The following IL1RAPL2 variants were observed in gnomAD, a reference collection of about 807,000 sequenced individuals.
The protein encoded by IL1RAPL2 is interleukin 1 receptor accessory protein like 2.
Under a neutral mutation model 44.1 loss-of-function variants are expected in IL1RAPL2, and 3 were observed. The ratio of observed to expected loss-of-function variants is 0.07; its 90% CI spans 0.03 to 0.18. The LOEUF is 0.18. Ranked by LOEUF, IL1RAPL2 falls within the 10% of genes least tolerant of loss-of-function variation. The probability of loss-of-function intolerance (pLI) is 1.00; values close to 1 mark genes in which losing one functional copy is unlikely to be tolerated. For synonymous variants in IL1RAPL2, 181 were observed against 178.8 expected (o/e 1.01, Z -0.10); for missense variants, 391 against 496.4 (o/e 0.79, Z 2.02).
chrX:105,542,472 T>A (rs374793602), intron 6 of IL1RAPL2, among the ~76,000 whole-genome samples: 11 of 110,874 alleles, frequency 9.9e-5, no homozygotes, highest in African/African-American at 3.6e-4. Flanking sequence ...TTGCTTTCAA[T>A]GTTTAGTTTT....
chrX:105,586,951 C>A (rs1473844342), intron 6 of IL1RAPL2, among the ~76,000 whole-genome samples: 1 of 112,149 alleles, frequency 8.9e-6, no homozygotes. Context: ...TTGGGGTTCC[C>A]TTTCCTTGTT....
At chrX:105,242,691 CAAAACA>C (rs1556209717) in intron 4 of IL1RAPL2, among the ~76,000 whole-genome samples, 2 of 110,220 alleles carry the variant, frequency 1.8e-5, no homozygotes, top group African/African-American at 6.6e-5. Flanking sequence ...AAACCAGGGG[CAAAACA>C]AAAACAAAAA....
chrX:105,628,613 G>C (rs11092541), intron 6 of IL1RAPL2, among the ~76,000 whole-genome samples: 37,699 of 111,137 alleles, frequency 0.34, 4,715 homozygotes, highest in Middle Eastern at 0.41. Context: ...AATGAATGTG[G>C]AAATGGAAGC....
chrX:105,290,205 G>C (rs1045129412), intron 5 of IL1RAPL2, among the ~76,000 whole-genome samples: 1 of 111,493 alleles, frequency 9.0e-6, no homozygotes, highest in African/African-American at 3.3e-5. Flanking sequence ...TTGTGTGCCA[G>C]GCATTGTCCT....
At chrX:105,742,131 T>C (rs2038505397) in intron 8 of IL1RAPL2, among the ~76,000 whole-genome samples, 1 of 111,273 alleles carries the variant, frequency 9.0e-6, no homozygotes, top group South Asian at 3.8e-4. Context: ...TTGAGCAGTG[T>C]CTAGCTAGTA....
rs1222205052 is a variant in IL1RAPL2 at position 105,041,262 on chromosome X, G to C, written c.83-154213G>C. On this transcript the variant is annotated intron_variant, in intron 2 of 10. Transcript: ENST00000372582. ...TGAGAGATAGTTTGTTATAATTTCTGTTCTTTTACATTTGCTGAGGAGAGC... is the reference window on the plus strand; with the variant it reads ...TGAGAGATAGTTTGTTATAATTTCTCTTCTTTTACATTTGCTGAGGAGAGC... Among the ~76,000 whole-genome samples, 10 of 111,150 alleles carry C rather than the reference G, an allele frequency of 9.0e-5. No individual in the cohort carries two copies. In the South Asian group the frequency reaches 3.8e-3, roughly 42 times the overall value.
intron 6 of IL1RAPL2, among the ~76,000 whole-genome samples, chrX:105,532,207 G>A (rs2036642689): frequency 9.0e-6 from 1 of 111,396 alleles, no homozygotes; most frequent in Middle Eastern, 4.2e-3. Flanking sequence ...TTTTTCAGCA[G>A]GTAAATGAGT....
chrX:105,527,484 A>G (rs976663186), intron 6 of IL1RAPL2, among the ~76,000 whole-genome samples: 24 of 107,046 alleles, frequency 2.2e-4, no homozygotes, highest in African/African-American at 7.8e-4. Context: ...CCTTTCCGAA[A>G]TAGTTTAGGG....
At chrX:105,210,685 C>T (rs144130704) in intron 3 of IL1RAPL2, among the ~76,000 whole-genome samples, 7,109 of 111,257 alleles carry the variant, frequency 0.064, 389 homozygotes, top group East Asian at 0.31. Context: ...ACATTTTTGA[C>T]GAGTACAAAC....
At position 104,642,208 on chromosome X, in the gene IL1RAPL2, A is replaced by G. The variant is rs775229539; in HGVS notation, c.-19-16687A>G. 4.5e-5 allele frequency among the ~76,000 whole-genome samples: 5 copies of G among 111,672 alleles called. No homozygotes were observed. The East Asian group carries it at 1.4e-3, about 32-fold the overall frequency. On this transcript the variant is annotated intron_variant, in intron 1 of 10. Transcript: ENST00000372582. ...ATGTTTCTTGTCACTTCTCTGTTGA[A>G]TTCCAGTATTCTCTCTTGGATAATG...
At chrX:105,121,003 A>G (rs2032919527) in intron 2 of IL1RAPL2, among the ~76,000 whole-genome samples, 1 of 111,481 alleles carries the variant, frequency 9.0e-6, no homozygotes, top group African/African-American at 3.3e-5. Flanking sequence ...CTTCTAAACC[A>G]TGGGAGGTGT....
rs146498924 is a variant in IL1RAPL2, at chrX:104,737,618, C to T, written c.82+78623C>T. Among the ~76,000 whole-genome samples, 403 of 111,727 alleles carry T rather than the reference C, an allele frequency of 3.6e-3. 1 individual carries two copies. Among genetic ancestry groups the T allele is most frequent in the Non-Finnish European group, 5.4e-3 (286 of 53,101 alleles). ...GGGATGAATAGATGACAGTTACTGC[C>T]CATGTTGCTCTGCTGGTAATGCCTG... is the stretch of plus-strand genomic sequence containing the variant. On this transcript the variant is annotated intron_variant, in intron 2 of 10. Transcript: ENST00000372582.
At chrX:105,540,839 T>TAATATATACATATATTATATATCATATAA (rs2036720071) in intron 6 of IL1RAPL2, among the ~76,000 whole-genome samples, 1 of 43,661 alleles carries the variant, frequency 2.3e-5, no homozygotes, top group Non-Finnish European at 5.7e-5. Flanking sequence ...ATATGATATA[T>TAATATATACATATATTATATATCATATAA]AATACATACA....
intron 4 of IL1RAPL2, among the ~76,000 whole-genome samples, chrX:105,265,793 C>G (rs1208417428): frequency 1.8e-5 from 2 of 111,272 alleles, no homozygotes; most frequent in Non-Finnish European, 3.8e-5. Context: ...CACACACACA[C>G]ACGTACACAC....
intron 6 of IL1RAPL2, among the ~76,000 whole-genome samples, chrX:105,700,616 C>G (rs927202854): frequency 2.7e-5 from 3 of 111,141 alleles, no homozygotes; most frequent in Non-Finnish European, 5.7e-5. Context: ...GAAACCAAAG[C>G]CTACTTCTAT....
chrX:104,631,525 G>A (rs755987291), intron 1 of IL1RAPL2, among the ~76,000 whole-genome samples: 1,473 of 110,985 alleles, frequency 0.013, 33 homozygotes, highest in African/African-American at 0.042. Flanking sequence ...TTTAATGATC[G>A]CCATTCTAAC....
At chrX:104,632,321 G>C (rs1289409007) in intron 1 of IL1RAPL2, among the ~76,000 whole-genome samples, 3 of 111,356 alleles carry the variant, frequency 2.7e-5, no homozygotes, top group African/African-American at 9.8e-5. Flanking sequence ...ACTTGGCGAT[G>C]CGGGCTCTTT....
intron 2 of IL1RAPL2, among the ~76,000 whole-genome samples, chrX:104,991,526 C>G (rs937562176): frequency 8.9e-6 from 1 of 111,825 alleles, no homozygotes; most frequent in Non-Finnish European, 1.9e-5. Context: ...TCCAGAGGGG[C>G]ACTGATGCCA....
intron 5 of IL1RAPL2, among the ~76,000 whole-genome samples, chrX:105,369,732 G>C (rs767298093): frequency 9.0e-6 from 1 of 111,253 alleles, no homozygotes; most frequent in East Asian, 2.8e-4. Context: ...AGAGCTATTT[G>C]ATTTAGGAGT....
Sources: allele counts gnomAD v4.1 joint callset (sites outside exome capture counted in the v4.1 genomes callset), GRCh38; gene constraint gnomAD v4.1.1; transcripts MANE v1.5; gene names NCBI Gene and HGNC (gene_info 2026-07-23, HGNC 2026-07-21).